The following SCARB2 variants were observed in gnomAD, a reference collection of about 807,000 sequenced individuals.
The protein encoded by SCARB2 is scavenger receptor class B member 2, also known as lysosome membrane protein 2.
Under a neutral mutation model 58.6 loss-of-function variants are expected in SCARB2, and 29 were observed. That is an observed-to-expected ratio of 0.49 (90% CI 0.37 to 0.67). SCARB2 has a LOEUF of 0.67. Ranked by LOEUF, SCARB2 falls within the 30% of genes least tolerant of loss-of-function variation. The pLI is 0.00. For synonymous variants in SCARB2, 195 were observed against 210.1 expected, an observed-to-expected ratio of 0.93 and a Z score of 0.62; for missense variants, 488 against 578.5, an observed-to-expected ratio of 0.84 and a Z score of 1.60.
chr4:76,220,990 G>A (rs1733296598), intron 1 of SCARB2, among the ~76,000 whole-genome samples: 1 of 152,062 alleles, frequency 6.6e-6, no homozygotes, highest in South Asian at 2.1e-4. Flanking sequence ...ATTTCCCCAT[G>A]GGAAACTGTA....
At chr4:76,224,411 T>G (rs931961033) in intron 1 of SCARB2, among the ~76,000 whole-genome samples, 1 of 152,168 alleles carries the variant, frequency 6.6e-6, no homozygotes, top group African/African-American at 2.4e-5. Flanking sequence ...CTGTCTTTCT[T>G]GATGATTACA....
At position 76,231,386 on chromosome 4, in the gene SCARB2, G is replaced by A. The variant is rs4859431; in HGVS notation, c.-358+2917C>T. Among the ~76,000 whole-genome samples, 887 of 152,052 alleles carry A rather than the reference G, an allele frequency of 5.8e-3. 12 individuals are homozygous for A. Among genetic ancestry groups the A allele is most frequent in the African/African-American group, 0.02 (838 of 41,496 alleles). ...TTCTGAGCTGCAGCTGGAGACTGCC[G>A]GTTGGTTCACAGGAACAAGTAGGAT... On this transcript the variant is annotated intron_variant, in intron 1 of 11. Coordinates refer to the SCARB2 transcript ENST00000638295.
chr4:76,208,898 GA>G (rs1341808272), intron 1 of SCARB2, among the ~76,000 whole-genome samples: 3 of 152,216 alleles, frequency 2.0e-5, no homozygotes, highest in African/African-American at 7.2e-5. Context: ...TCTTTTGGAG[GA>G]AAGGGGGTGT....
At chr4:76,175,686 A>G in intron 6 of SCARB2, 105 bp downstream of exon 6, 1 of 1,336,442 alleles carries the variant, frequency 7.5e-7, no homozygotes, top group African/African-American at 1.4e-5. Flanking sequence ...TTATGCATAA[A>G]TATCCATGCA....
At position 76,169,763 on chromosome 4, in the gene SCARB2, T is replaced by G. The variant is rs1036838598; in HGVS notation, c.1113+104A>C. Reference sequence around the variant, plus strand: ...AATTTCTCCCACTTGAATATGTATATGAAAGTAAGGATATTTTTAAAGAAG... The same window carrying G: ...AATTTCTCCCACTTGAATATGTATAGGAAAGTAAGGATATTTTTAAAGAAG... On this transcript the variant is annotated intron_variant, in intron 8 of 11. Coordinates refer to ENST00000264896, the MANE Select transcript of SCARB2 (RefSeq NM_005506.4). The G allele has an allele frequency of 9.4e-6, 9 of 957,272 alleles. No homozygotes were observed. In the South Asian group the frequency reaches 1.2e-4, roughly 12 times the overall value. The allele number at this position is 957,272 out of a possible 1,614,324, so 59.3% of individuals were successfully genotyped here.
intron 7 of SCARB2, among the ~76,000 whole-genome samples, chr4:76,171,223 G>A (rs1328881908): frequency 6.6e-6 from 1 of 152,004 alleles, no homozygotes; most frequent in Non-Finnish European, 1.5e-5. Flanking sequence ...CCTTCTTTGT[G>A]ACCTATAATG....
chr4:76,216,195 C>G (rs916444522), upstream of SCARB2, among the ~76,000 whole-genome samples: 5 of 152,202 alleles, frequency 3.3e-5, no homozygotes, highest in African/African-American at 1.2e-4. Flanking sequence ...GCTACATTAA[C>G]TCTGCTCTGT....
intron 1 of SCARB2, among the ~76,000 whole-genome samples, chr4:76,233,865 G>A (rs1488979406): frequency 6.6e-6 from 1 of 152,182 alleles, no homozygotes; most frequent in African/African-American, 2.4e-5. Flanking sequence ...GTTGGTTGGG[G>A]GGGGCTTGGT....
intron 2 of SCARB2, among the ~76,000 whole-genome samples, chr4:76,182,781 G>A (rs947820343): frequency 2.0e-5 from 3 of 152,190 alleles, no homozygotes; most frequent in Non-Finnish European, 4.4e-5. Context: ...AATGCGCCTC[G>A]GTGATGATGG....
intron 1 of SCARB2, among the ~76,000 whole-genome samples, chr4:76,198,148 A>G (rs919820182): frequency 6.6e-6 from 1 of 152,142 alleles, no homozygotes; most frequent in East Asian, 1.9e-4. Flanking sequence ...TTGAGTGAGC[A>G]CTCTGTATTC....
chr4:76,172,361 C>T (rs536041432), intron 7 of SCARB2, among the ~76,000 whole-genome samples: 34 of 151,728 alleles, frequency 2.2e-4, no homozygotes, highest in Middle Eastern at 6.8e-3. Flanking sequence ...TGAATTCCTA[C>T]GCTCCAGCCT....
At chr4:76,184,846 C>T in intron 2 of SCARB2, 3 of 332,216 alleles carry the variant, frequency 9.0e-6, no homozygotes, top group Non-Finnish European at 1.1e-5. Flanking sequence ...GGATTCCTCC[C>T]AGTGGCAGAC....
rs964704993 is a variant in SCARB2 at position 76,160,535 on chromosome 4, A to T, written c.*1178T>A. On this transcript the variant is annotated 3_prime_UTR_variant, in exon 12 of 12. Coordinates refer to ENST00000264896, the MANE Select transcript of SCARB2 (RefSeq NM_005506.4). ...AAGTACTTTGTGCAATATTTTAAAC[A>T]TCCATCATTCTGTCAGCAAAATGAT... 2 of 152,250 alleles carry T rather than the reference A, an allele frequency of 1.3e-5. No homozygotes were observed. Among genetic ancestry groups the T allele is most frequent in the African/African-American group, 4.8e-5 (2 of 41,458 alleles). The allele number at this position is 152,250 out of a possible 1,614,324, so 9.4% of individuals were successfully genotyped here.
chr4:76,198,613 G>C (rs1280267666), intron 1 of SCARB2, among the ~76,000 whole-genome samples: 1 of 152,122 alleles, frequency 6.6e-6, no homozygotes, highest in Admixed American at 6.5e-5. Flanking sequence ...CTTCTCCTCT[G>C]TCTCCCTCCA....
chr4:76,197,562 G>A (rs1375261258), intron 1 of SCARB2, among the ~76,000 whole-genome samples: 1 of 152,198 alleles, frequency 6.6e-6, no homozygotes, highest in African/African-American at 2.4e-5. Flanking sequence ...AGACTGGGGA[G>A]TTACTTGTTA....
Position 76,175,927 on chromosome 4 carries a change from C to A in SCARB2, c.705-17G>T. 3 of 1,612,968 alleles carry A rather than the reference C, an allele frequency of 1.9e-6. No homozygotes were observed. The highest frequency in any genetic ancestry group is 2.5e-6 in the Non-Finnish European group (3 of 1,179,876). On this transcript the variant is annotated splice_polypyrimidine_tract_variant and intron_variant, in intron 5 of 11. Coordinates refer to ENST00000264896, the MANE Select transcript of SCARB2 (RefSeq NM_005506.4). ...TCAAGTGACCTATAATTGATAAGCACAAGAAAGAGTAAAGATGATCACATT... is the reference window on the plus strand; with the variant it reads ...TCAAGTGACCTATAATTGATAAGCAAAAGAAAGAGTAAAGATGATCACATT...
intron 4 of SCARB2, chr4:76,178,970 C>T (rs1732320166): frequency 6.1e-6 from 1 of 164,088 alleles, no homozygotes; most frequent in African/African-American, 2.4e-5. Context: ...CTAATCTAAT[C>T]CTCTTCCTGG....
At chr4:76,220,257 C>CA (rs1171196799) in intron 1 of SCARB2, among the ~76,000 whole-genome samples, 1 of 152,160 alleles carries the variant, frequency 6.6e-6, no homozygotes, top group Non-Finnish European at 1.5e-5. Context: ...GGAACCGACC[C>CA]AAATGTCATC....
chr4:76,163,544 C>T (rs891674846), intron 10 of SCARB2, 161 bp from the exon 11 acceptor site: 4 of 702,910 alleles, frequency 5.7e-6, no homozygotes, highest in African/African-American at 5.4e-5. Flanking sequence ...TCAGAAGGGA[C>T]ATTTATTCAT....
Sources: allele counts gnomAD v4.1 joint callset (sites outside exome capture counted in the v4.1 genomes callset), GRCh38; gene constraint gnomAD v4.1.1; transcripts MANE v1.5; gene names NCBI Gene and HGNC (gene_info 2026-07-23, HGNC 2026-07-21).